CPQ: variants seen among roughly 807,000 people sequenced by gnomAD.
The protein encoded by CPQ is carboxypeptidase Q, also known as Ser-Met dipeptidase.
Under a neutral mutation model 45.7 loss-of-function variants are expected in CPQ, and 37 were observed. That is an observed-to-expected ratio of 0.81 (90% CI 0.62 to 1.07). The LOEUF (loss-of-function observed/expected upper bound fraction) is 1.07. CPQ is among the 50% of genes least tolerant of loss of function. CPQ has a pLI of 0.00. For missense variants in CPQ, 537 were observed against 572.9 expected, an observed-to-expected ratio of 0.94 and a Z score of 0.64; for synonymous variants, 186 against 205.8, an observed-to-expected ratio of 0.90 and a Z score of 0.82.
At chr8:97,030,804 T>C (rs182025530) in intron 6 of CPQ, among the ~76,000 whole-genome samples, 168 of 152,306 alleles carry the variant, frequency 1.1e-3, no homozygotes, top group African/African-American at 3.6e-3. Flanking sequence ...GTTAAGTCTT[T>C]CTGGGAAAGA....
At chr8:96,681,852 A>G (rs74362939) in intron 1 of CPQ, among the ~76,000 whole-genome samples, 181 of 152,288 alleles carry the variant, frequency 1.2e-3, no homozygotes, top group African/African-American at 4.2e-3. Context: ...TGAGACATGG[A>G]GTCAAAGGGC....
intron 3 of CPQ, among the ~76,000 whole-genome samples, chr8:96,872,703 A>G (rs1812088086): frequency 6.6e-6 from 1 of 151,924 alleles, no homozygotes; most frequent in South Asian, 2.1e-4. Context: ...AGGATGTGCA[A>G]GTAAGCAGAA....
chr8:97,097,677 G>C (rs999726982), intron 7 of CPQ, among the ~76,000 whole-genome samples: 1 of 152,146 alleles, frequency 6.6e-6, no homozygotes, highest in Admixed American at 6.5e-5. Flanking sequence ...GAGGGGTTTG[G>C]GGAGGAATAT....
At chr8:96,820,949 C>T (rs1339639772) in intron 2 of CPQ, among the ~76,000 whole-genome samples, 1 of 151,928 alleles carries the variant, frequency 6.6e-6, no homozygotes, top group Non-Finnish European at 1.5e-5. Flanking sequence ...GTTCCCCTTT[C>T]TCCACATCCT....
chr8:97,096,862 C>G (rs1265326774), intron 7 of CPQ, among the ~76,000 whole-genome samples: 1 of 152,218 alleles, frequency 6.6e-6, no homozygotes, highest in African/African-American at 2.4e-5. Flanking sequence ...AAACTTTAAA[C>G]TAACCTATGC....
chr8:97,101,572 C>CTTTTTTTTTTTT (rs5893410), intron 7 of CPQ, among the ~76,000 whole-genome samples: 20 of 114,206 alleles, frequency 1.8e-4, no homozygotes, highest in Non-Finnish European at 2.5e-4. Flanking sequence ...TTTCTTTTTT[C>CTTTTTTTTTTTT]TTTTTTTTTT....
At chr8:96,765,628 C>T (rs1006660655) in intron 1 of CPQ, among the ~76,000 whole-genome samples, 3 of 152,154 alleles carry the variant, frequency 2.0e-5, no homozygotes, top group African/African-American at 7.2e-5. Context: ...GGTCCAAACC[C>T]ATGTTCCACA....
At chr8:96,669,710 G>T (rs1412914398) in intron 1 of CPQ, among the ~76,000 whole-genome samples, 1 of 152,132 alleles carries the variant, frequency 6.6e-6, no homozygotes, top group Non-Finnish European at 1.5e-5. Context: ...TTGCCAGAAT[G>T]GATTGAAAAA....
At chr8:96,787,575 C>T (rs1295522444) in intron 2 of CPQ, among the ~76,000 whole-genome samples, 1 of 108,638 alleles carries the variant, frequency 9.2e-6, no homozygotes, top group East Asian at 3.3e-4. Flanking sequence ...TAAGACTGGC[C>T]TCATGAAATC....
chr8:97,070,280 G>A (rs950171414), intron 7 of CPQ, among the ~76,000 whole-genome samples: 6 of 152,002 alleles, frequency 3.9e-5, no homozygotes, highest in Non-Finnish European at 7.4e-5. Flanking sequence ...TTTCTAACGC[G>A]CTTCAAGTCT....
At chr8:97,088,432 T>A (rs572755412) in intron 7 of CPQ, among the ~76,000 whole-genome samples, 1 of 152,330 alleles carries the variant, frequency 6.6e-6, no homozygotes, top group East Asian at 1.9e-4. Flanking sequence ...AAGTCCCAAA[T>A]GAGACTTTTC....
At chr8:96,767,729 T>C (rs1004884579) in intron 1 of CPQ, among the ~76,000 whole-genome samples, 1 of 144,510 alleles carries the variant, frequency 6.9e-6, no homozygotes, top group Non-Finnish European at 1.5e-5. Context: ...CTGCTGCCGA[T>C]GCTTCCCAGA....
At chr8:96,912,051 C>T (rs189233102) in intron 4 of CPQ, among the ~76,000 whole-genome samples, 4 of 152,204 alleles carry the variant, frequency 2.6e-5, no homozygotes, top group East Asian at 1.9e-4. Flanking sequence ...GATGAGCTAC[C>T]GCATGCAAAG....
In CPQ at chr8:97,111,658, A is replaced by G. The variant is rs561342476; in HGVS notation, c.1256-31362A>G. On this transcript the variant is annotated intron_variant, in intron 7 of 7. Transcript: ENST00000220763. Reference sequence around the variant, plus strand: ...CAGTCAAGAGCTTGGGTTGCATTCAAGAGCACATGTTAGAGCATTCTGTCT... The same window carrying G: ...CAGTCAAGAGCTTGGGTTGCATTCAGGAGCACATGTTAGAGCATTCTGTCT... Among the ~76,000 whole-genome samples the G allele has an allele frequency of 3.3e-5, 5 of 152,358 alleles. No individual in the cohort carries two copies. The South Asian group carries it at 8.3e-4, about 25-fold the overall frequency.
chr8:96,872,935 T>C (rs1284397226), intron 3 of CPQ, among the ~76,000 whole-genome samples: 2 of 151,920 alleles, frequency 1.3e-5, no homozygotes, highest in African/African-American at 2.4e-5. Context: ...ATCTTCTTTA[T>C]ATTTTTATGT....
At chr8:97,142,006 G>T (rs1812173221) in intron 7 of CPQ, among the ~76,000 whole-genome samples, 1 of 152,174 alleles carries the variant, frequency 6.6e-6, no homozygotes, top group Non-Finnish European at 1.5e-5. Context: ...TAAGAGGCAA[G>T]ACAGGCTAGT....
rs951153413 is a variant in CPQ, at chr8:97,002,004, T to G, written c.962-27399T>G. 1.5e-4 allele frequency among the ~76,000 whole-genome samples: 23 copies of G among 152,082 alleles called. 1 individual carries two copies. Among genetic ancestry groups the G allele is most frequent in the Admixed American group, 2.6e-4 (4 of 15,238 alleles). Reference sequence around the variant, plus strand: ...CCTGGTTCAGTCTTGGGAGGGTGTATGTATCCAGGAATTTATTCATTTCTT... The same window carrying G: ...CCTGGTTCAGTCTTGGGAGGGTGTAGGTATCCAGGAATTTATTCATTTCTT... On this transcript the variant is annotated intron_variant, in intron 5 of 7. Transcript: ENST00000220763.
At chr8:96,898,309 T>C (rs1812469636) in intron 4 of CPQ, among the ~76,000 whole-genome samples, 1 of 152,124 alleles carries the variant, frequency 6.6e-6, no homozygotes, top group African/African-American at 2.4e-5. Context: ...ATGATGTCTC[T>C]GCAAGCTTTG....
chr8:96,869,498 A>T (rs1812038232), intron 3 of CPQ, among the ~76,000 whole-genome samples: 1 of 152,082 alleles, frequency 6.6e-6, no homozygotes, highest in Non-Finnish European at 1.5e-5. Context: ...GATAGCAGGG[A>T]CTGATTCTTT....
Sources: gnomAD v4.1 joint callset for allele counts (sites outside exome capture counted in the v4.1 genomes callset) on GRCh38, gnomAD v4.1.1 for gene constraint, MANE v1.5 for transcripts, NCBI Gene and HGNC (gene_info 2026-07-23, HGNC 2026-07-21) for gene names.